TMCC3: variants seen among roughly 807,000 people sequenced by gnomAD.
TMCC3 encodes the protein transmembrane and coiled-coil domain protein 3.
In TMCC3, 28 loss-of-function variants were observed where a neutral mutation model predicts 40.2. The observed-to-expected ratio is 0.70, with a 90% CI of 0.52 to 0.95. The LOEUF (loss-of-function observed/expected upper bound fraction) is 0.95, where lower values mean the gene tolerates loss of function less well. Ranked by LOEUF, TMCC3 falls within the 40% of genes least tolerant of loss-of-function variation. The pLI is 0.00. For missense variants in TMCC3, 554 were observed against 615.2 expected (o/e 0.90, Z 1.05); for synonymous variants, 255 against 248.5 (o/e 1.03, Z -0.25).
intron 1 of TMCC3, among the ~76,000 whole-genome samples, chr12:94,593,121 T>G (rs11836483): frequency 0.64 from 95,659 of 150,558 alleles, 30,423 homozygotes; most frequent in Admixed American, 0.66. Context: ...CGCTTGCACC[T>G]GGGAGGTGGA....
At chr12:94,640,326 T>C (rs540418721) in intron 1 of TMCC3, among the ~76,000 whole-genome samples, 1 of 152,208 alleles carries the variant, frequency 6.6e-6, no homozygotes, top group South Asian at 2.1e-4. Flanking sequence ...TGAGAGCATA[T>C]GTATGCATCA....
intron 1 of TMCC3, among the ~76,000 whole-genome samples, chr12:94,613,206 G>C (rs2068826828): frequency 6.6e-6 from 1 of 152,038 alleles, no homozygotes; most frequent in Non-Finnish European, 1.5e-5. Flanking sequence ...GCTCCCACCT[G>C]TAATCCCAGC....
chr12:94,575,733 T>C (rs2068560297), intron 3 of TMCC3, among the ~76,000 whole-genome samples: 1 of 152,208 alleles, frequency 6.6e-6, no homozygotes, highest in African/African-American at 2.4e-5. Context: ...TACCACCCAG[T>C]GACACCCGAA....
Position 94,578,165 on chromosome 12 carries a change from A to AAG in TMCC3, c.1131+228_1131+229insCT, listed in dbSNP as rs2068577924. Among the ~76,000 whole-genome samples, 31 of 123,418 alleles carry AAG rather than the reference A, an allele frequency of 2.5e-4. No homozygotes were observed. In the South Asian group the frequency reaches 8.0e-3, roughly 32 times the overall value. The allele number at this position is 123,418 out of a possible 152,430, so 81.0% of individuals were successfully genotyped here. ...TCACCTCAAAAAAAAAAAAAAAAAAAAAAGAAAAAGAAAAAGAAAAAAAAA... is the reference window on the plus strand; with the variant it reads ...TCACCTCAAAAAAAAAAAAAAAAAAAAGAAAGAAAAAGAAAAAGAAAAAAAAA... On this transcript the variant is annotated intron_variant, in intron 3 of 3. Transcript: ENST00000261226.
At chr12:94,617,107 A>C (rs2068852105) in intron 1 of TMCC3, among the ~76,000 whole-genome samples, 3 of 152,292 alleles carry the variant, frequency 2.0e-5, no homozygotes, top group African/African-American at 7.2e-5. Flanking sequence ...GAGTCAAGGA[A>C]AACCCCACTT....
intron 1 of TMCC3, among the ~76,000 whole-genome samples, chr12:94,629,595 G>A (rs555986227): frequency 2.6e-5 from 4 of 152,244 alleles, no homozygotes; most frequent in Admixed American, 1.3e-4. Context: ...GAGACCTCAC[G>A]ATCGGGCCTA....
chr12:94,574,050 C>G (rs1216334916), intron 3 of TMCC3, among the ~76,000 whole-genome samples: 1 of 152,188 alleles, frequency 6.6e-6, no homozygotes, highest in Non-Finnish European at 1.5e-5. Context: ...GTGCCACACA[C>G]TGGCTGAATA....
intron 1 of TMCC3, among the ~76,000 whole-genome samples, chr12:94,596,692 A>G (rs911117156): frequency 6.6e-6 from 1 of 152,130 alleles, no homozygotes; most frequent in African/African-American, 2.4e-5. Flanking sequence ...TGTCTGCTCC[A>G]CACTCTTTCC....
chr12:94,600,683 G>T (rs2068747369), intron 1 of TMCC3, among the ~76,000 whole-genome samples: 1 of 152,236 alleles, frequency 6.6e-6, no homozygotes, highest in African/African-American at 2.4e-5. Flanking sequence ...TCCGGACACA[G>T]CATCTCAAGG....
At chr12:94,645,942 A>G (rs1233426414) in intron 1 of TMCC3, among the ~76,000 whole-genome samples, 7 of 152,142 alleles carry the variant, frequency 4.6e-5, no homozygotes, top group Admixed American at 4.6e-4. Context: ...CATGGAGTTA[A>G]ACATTTTATA....
intron 1 of TMCC3, chr12:94,590,850 T>C (rs2068670088): frequency 1.8e-6 from 1 of 542,498 alleles, no homozygotes; most frequent in Non-Finnish European, 3.6e-6. Context: ...CGCAACAAAC[T>C]ACCAACACTG....
chr12:94,629,284 G>T (rs1463101896), intron 1 of TMCC3, among the ~76,000 whole-genome samples: 2 of 152,116 alleles, frequency 1.3e-5, no homozygotes, highest in African/African-American at 4.8e-5. Context: ...AGGGAGGGTG[G>T]GCCAGGAAGG....
chr12:94,568,230 C>T lies in TMCC3; in HGVS notation c.*3205G>A, dbSNP rs1192526693. ...ATTGTCCAAACCCAGCAACGGAGTA[C>T]TTTTTTGCTGTTTCATTATGGATTT... On this transcript the variant is annotated 3_prime_UTR_variant, in exon 4 of 4. Transcript: ENST00000261226. The T allele has an allele frequency of 2.7e-5, 4 of 150,146 alleles. No homozygotes were observed. Among genetic ancestry groups the T allele is most frequent in the Non-Finnish European group, 5.9e-5 (4 of 67,608 alleles). The allele number at this position is 150,146 out of a possible 1,614,324, so 9.3% of individuals were successfully genotyped here.
At chr12:94,588,722 A>G (rs1016144331) in intron 1 of TMCC3, among the ~76,000 whole-genome samples, 1 of 152,054 alleles carries the variant, frequency 6.6e-6, no homozygotes, top group African/African-American at 2.4e-5. Context: ...GCTGAACTCT[A>G]TTTCAGGTCT....
In TMCC3 at chr12:94,568,961, C is replaced by T. The variant is rs1177388465; in HGVS notation, c.*2474G>A. The T allele has an allele frequency of 4.6e-5, 7 of 152,236 alleles. No individual in the cohort carries two copies. The highest frequency in any genetic ancestry group is 2.6e-4 in the Admixed American group (4 of 15,288). The allele number at this position is 152,236 out of a possible 1,614,324, so 9.4% of individuals were successfully genotyped here. A position where few individuals can be genotyped will look rare whatever the true frequency, so the allele number is the denominator to read the frequency against. ...AGACTAGAGGGGACGGAGTGTGCTG[C>T]TTTCCATTCTCTTCTCTACTTCTGT... On this transcript the variant is annotated 3_prime_UTR_variant, in exon 4 of 4. Coordinates refer to ENST00000261226, the MANE Select transcript of TMCC3 (RefSeq NM_020698.4).
At chr12:94,641,053 A>T (rs58378297) in intron 1 of TMCC3, among the ~76,000 whole-genome samples, 1 of 152,058 alleles carries the variant, frequency 6.6e-6, no homozygotes, top group South Asian at 2.1e-4. Context: ...TACAAAAATT[A>T]TCTGGACATG....
intron 1 of TMCC3, among the ~76,000 whole-genome samples, chr12:94,609,591 T>C (rs1407266359): frequency 1.3e-5 from 2 of 152,172 alleles, no homozygotes; most frequent in African/African-American, 4.8e-5. Context: ...ACCTGAGTGA[T>C]TTTGCTATTT....
intron 1 of TMCC3, among the ~76,000 whole-genome samples, chr12:94,630,454 A>C (rs546887067): frequency 3.9e-5 from 6 of 152,136 alleles, no homozygotes; most frequent in Non-Finnish European, 7.4e-5. Context: ...ACCTGGGTTC[A>C]GGTTCTAGCC....
intron 1 of TMCC3, among the ~76,000 whole-genome samples, chr12:94,605,550 C>A (rs1436400376): frequency 2.0e-5 from 3 of 152,088 alleles, no homozygotes; most frequent in African/African-American, 7.2e-5. Flanking sequence ...TAGCTGAGTT[C>A]TTACCTAAAA....
Sources: gnomAD v4.1 joint callset for allele counts (sites outside exome capture counted in the v4.1 genomes callset) on GRCh38, gnomAD v4.1.1 for gene constraint, MANE v1.5 for transcripts, NCBI Gene and HGNC (gene_info 2026-07-23, HGNC 2026-07-21) for gene names.